Variants in GAS2L3 observed in about 807,000 individuals in gnomAD.
GAS2L3 encodes the protein growth arrest specific 2 like 3, also known as GAS2-like protein 3.
Under a neutral mutation model 37.0 loss-of-function variants are expected in GAS2L3, and 28 were observed. The ratio of observed to expected loss-of-function variants is 0.76; its 90% CI spans 0.56 to 1.04. The LOEUF (loss-of-function observed/expected upper bound fraction) is 1.04, where lower values mean the gene tolerates loss of function less well. Among genes scored for constraint, GAS2L3 ranks in the 50% least tolerant of loss-of-function variants. The pLI is 0.00. For synonymous variants in GAS2L3, 290 were observed against 296.6 expected (o/e 0.98, Z 0.23); for missense variants, 793 against 817.6 (o/e 0.97, Z 0.37).
At chr12:100,615,524 C>T (rs4764745) in intron 6 of GAS2L3, among the ~76,000 whole-genome samples, 97,863 of 151,374 alleles carry the variant, frequency 0.65, 32,302 homozygotes, top group East Asian at 0.78. Flanking sequence ...ATCTATTTTT[C>T]TTTTGCTTGT....
chr12:100,584,660 G>A (rs1167301224), intron 1 of GAS2L3, among the ~76,000 whole-genome samples: 10 of 151,362 alleles, frequency 6.6e-5, no homozygotes, highest in African/African-American at 1.5e-4. Flanking sequence ...TGCAACCTCC[G>A]CATCCCAGGT....
At chr12:100,574,450 G>A (rs771802553) in intron 1 of GAS2L3, among the ~76,000 whole-genome samples, 9 of 152,290 alleles carry the variant, frequency 5.9e-5, no homozygotes, top group Non-Finnish European at 1.0e-4. Flanking sequence ...AGGACTGCCC[G>A]GGGAGAGGCT....
intron 1 of GAS2L3, among the ~76,000 whole-genome samples, chr12:100,577,995 C>T (rs552543568): frequency 2.6e-5 from 4 of 152,186 alleles, no homozygotes; most frequent in Non-Finnish European, 5.9e-5. Flanking sequence ...TGGGCTTTAT[C>T]CTGAAAACAC....
rs1956340534 is a variant in GAS2L3 at position 100,627,145 on chromosome 12, A to G, written c.*2255A>G. The stretch of plus-strand genomic sequence containing the variant: ...AGGTTTATTTGAATAATTGGAAGTC[A>G]GTTTATACATTACTATTTTTCAGCA... On this transcript the variant is annotated 3_prime_UTR_variant, in exon 10 of 10. Coordinates refer to ENST00000547754, the MANE Select transcript of GAS2L3 (RefSeq NM_174942.3). 6.6e-6 allele frequency among the ~76,000 whole-genome samples: 1 copy of G among 152,028 alleles called. No homozygotes were observed. Among genetic ancestry groups the G allele is most frequent in the Non-Finnish European group, 1.5e-5 (1 of 67,992 alleles).
At chr12:100,591,676 C>T (rs1046451996) in intron 1 of GAS2L3, 60 bp from the exon 2 acceptor site, 2 of 152,030 alleles carry the variant, frequency 1.3e-5, no homozygotes, top group South Asian at 2.1e-4. Context: ...TTATAGGTAT[C>T]GTCTCATTTA....
In GAS2L3 at chr12:100,610,099, T is replaced by C. The variant is rs1044808417; in HGVS notation, c.304-1901T>C. 2.6e-5 allele frequency among the ~76,000 whole-genome samples: 4 copies of C among 152,242 alleles called. No homozygotes were observed. In the East Asian group the frequency reaches 7.7e-4, roughly 29 times the overall value. On this transcript the variant is annotated intron_variant, in intron 5 of 9. Transcript: ENST00000547754. ...TATGGGTAAGACGAATGGCGTAGGT[T>C]TGTATGCGGCTATCTCGCTCTGCCC...
chr12:100,601,412 C>T (rs1238238114), intron 4 of GAS2L3, among the ~76,000 whole-genome samples: 2 of 151,952 alleles, frequency 1.3e-5, no homozygotes, highest in East Asian at 3.9e-4. Context: ...GAAATAAAAT[C>T]GATGTCAGTT....
intron 1 of GAS2L3, among the ~76,000 whole-genome samples, chr12:100,580,834 T>C (rs1955702310): frequency 6.6e-6 from 1 of 152,220 alleles, no homozygotes; most frequent in Non-Finnish European, 1.5e-5. Flanking sequence ...CAGAAATGCA[T>C]TAACTCTTTA....
rs1008719781 is a variant in GAS2L3, at chr12:100,627,605, C to T, written c.*2715C>T. ...AAGTTTTGTTTGAATAAACAATATCCGAAAGACAATTAGTTTCTTCAGATG... is the reference window on the plus strand; with the variant it reads ...AAGTTTTGTTTGAATAAACAATATCTGAAAGACAATTAGTTTCTTCAGATG... On this transcript the variant is annotated 3_prime_UTR_variant, in exon 10 of 10. Coordinates refer to ENST00000547754, the MANE Select transcript of GAS2L3 (RefSeq NM_174942.3). 2.0e-5 allele frequency: 3 copies of T among 152,146 alleles called. No individual in the cohort carries two copies. Among genetic ancestry groups the T allele is most frequent in the African/African-American group, 4.8e-5 (2 of 41,452 alleles). 9.4% of individuals were successfully genotyped at this position (152,146 alleles called of 1,614,324 possible).
chr12:100,580,996 G>A (rs1381765184), intron 1 of GAS2L3, among the ~76,000 whole-genome samples: 2 of 152,312 alleles, frequency 1.3e-5, no homozygotes, highest in East Asian at 3.9e-4. Flanking sequence ...CTCCTAGGTA[G>A]AGCCTTCATC....
rs573821529 is a variant in GAS2L3, at chr12:100,614,619, A to G, written c.445+2478A>G. On this transcript the variant is annotated intron_variant, in intron 6 of 9. Transcript: ENST00000547754. ...TTTAGTATATTCACTATGTTGTACA[A>G]TCATTACTACTATCTAATTTCAGAA... Among the ~76,000 whole-genome samples the G allele has an allele frequency of 5.3e-5, 8 of 152,326 alleles. No individual in the cohort carries two copies. The South Asian group carries it at 1.7e-3, about 32-fold the overall frequency.
intron 5 of GAS2L3, among the ~76,000 whole-genome samples, chr12:100,605,343 T>C (rs1162714599): frequency 6.6e-6 from 1 of 151,934 alleles, no homozygotes; most frequent in Non-Finnish European, 1.5e-5. Flanking sequence ...GTATCAGTTG[T>C]AATGTCTCCT....
intron 1 of GAS2L3, among the ~76,000 whole-genome samples, chr12:100,574,860 T>C (rs1332958527): frequency 6.6e-6 from 1 of 152,222 alleles, no homozygotes; most frequent in Non-Finnish European, 1.5e-5. Context: ...GTGGAAACTC[T>C]AGTGATCTGG....
intron 5 of GAS2L3, among the ~76,000 whole-genome samples, chr12:100,610,280 G>T (rs181424150): frequency 6.6e-6 from 1 of 152,164 alleles, no homozygotes; most frequent in East Asian, 1.9e-4. Flanking sequence ...AACCAGACAC[G>T]TTGGAATATT....
chr12:100,593,693 C>G (rs773980578), intron 2 of GAS2L3: 8 of 152,012 alleles, frequency 5.3e-5, no homozygotes. Context: ...TTCTTACTTC[C>G]GAGAAGTGGA....
intron 3 of GAS2L3, among the ~76,000 whole-genome samples, chr12:100,595,407 T>TG (rs1565802422): frequency 2.6e-5 from 4 of 151,226 alleles, no homozygotes; most frequent in African/African-American, 7.3e-5. Context: ...GGTTTTTTTT[T>TG]TTTTGTTTTG....
In GAS2L3 at chr12:100,624,441, G is replaced by A. The variant is rs1292872881; in HGVS notation, c.1636G>A (p.Ala546Thr). The A allele has an allele frequency of 1.2e-6, 2 of 1,614,012 alleles. No individual in the cohort carries two copies. The change falls in exon 10 of 10, where the codon GCA becomes ACA. Residue 546 changes from alanine (A) to threonine (T), a missense_variant. Transcript: ENST00000547754. The part of the protein sequence containing the change: ...QSQPSDGAPQ[A>T]KPVPAQKLKS... ...TCAACCATCCGATGGAGCCCCACAA[G>A]CAAAGCCAGTCCCAGCACAGAAACT...
At chr12:100,620,326 G>A (rs1956238160) in intron 8 of GAS2L3, among the ~76,000 whole-genome samples, 3 of 151,972 alleles carry the variant, frequency 2.0e-5, no homozygotes, top group Admixed American at 2.0e-4. Context: ...AAACTGTATA[G>A]AAATGAGAAT....
At chr12:100,578,726 T>G in intron 1 of GAS2L3, 1 of 488,188 alleles carries the variant, frequency 2.0e-6, no homozygotes, top group Non-Finnish European at 3.8e-6. Context: ...TAAGAACTGA[T>G]GCCTAAACCA....
Sources: allele counts gnomAD v4.1 joint callset (sites outside exome capture counted in the v4.1 genomes callset), GRCh38; gene constraint gnomAD v4.1.1; transcripts MANE v1.5; gene names NCBI Gene and HGNC (gene_info 2026-07-23, HGNC 2026-07-21).